Variants in PRRT4 observed in about 807,000 individuals in gnomAD.
PRRT4 encodes the protein proline-rich transmembrane protein 4.
In PRRT4, 59 loss-of-function variants were observed where a neutral mutation model predicts 55.6. The ratio of observed to expected loss-of-function variants is 1.06; its 90% CI spans 0.86 to 1.32. PRRT4 has a LOEUF of 1.32. Ranked by LOEUF, PRRT4 falls within the 40% of genes most tolerant of loss-of-function variation. The probability of loss-of-function intolerance (pLI) is 0.00; values close to 1 mark genes in which losing one functional copy is unlikely to be tolerated. For missense variants in PRRT4, 1,217 were observed against 1,222.0 expected, an observed-to-expected ratio of 1.00 and a Z score of 0.06; for synonymous variants, 606 against 601.8, an observed-to-expected ratio of 1.01 and a Z score of -0.10.
In PRRT4 at chr7:128,361,103, T is replaced by TCTCACA. The variant is rs1450661437; in HGVS notation, c.-73+457_-73+458insTGTGAG. Among the ~76,000 whole-genome samples, 60 of 77,568 alleles carry TCTCACA rather than the reference T, an allele frequency of 7.7e-4. 1 individual carries two copies. The highest frequency in any genetic ancestry group is 2.7e-3 in the African/African-American group (48 of 17,602). The allele number at this position is 77,568 out of a possible 152,430, so 50.9% of individuals were successfully genotyped here. A position where few individuals can be genotyped will look rare whatever the true frequency, so the allele number is the denominator to read the frequency against. Reference sequence around the variant, plus strand: ...CTCTCTCTCTCTCTCTCTCTCTCTCTCACACACACACACACACACACACAC... The same window carrying TCTCACA: ...CTCTCTCTCTCTCTCTCTCTCTCTCTCTCACACACACACACACACACACACACACAC... On this transcript the variant is annotated intron_variant, in intron 1 of 4. Transcript: ENST00000535159.
At chr7:128,350,696 C>G, downstream of PRRT4, 2 of 1,154,522 alleles carry the variant, frequency 1.7e-6, no homozygotes, top group South Asian at 1.6e-5. Context: ...ATCGATAGAG[C>G]CTGGCTGCTG....
intron 1 of PRRT4, among the ~76,000 whole-genome samples, chr7:128,360,676 C>T (rs1797228431): frequency 6.6e-6 from 1 of 152,168 alleles, no homozygotes; most frequent in Admixed American, 6.5e-5. Flanking sequence ...CCCGCCCCTC[C>T]CGTTTCCTGG....
At chr7:128,360,696 T>G (rs944668754) in intron 1 of PRRT4, among the ~76,000 whole-genome samples, 9 of 149,784 alleles carry the variant, frequency 6.0e-5, no homozygotes, top group South Asian at 2.2e-4. Context: ...GGGCTGGGCC[T>G]GTTCCCTTCC....
exon 5 of PRRT4, chr7:128,351,660 G>A (rs1280381297): frequency 6.6e-7 from 1 of 1,513,620 alleles, no homozygotes; most frequent in East Asian, 2.6e-5. Flanking sequence ...TGGCCCAGCA[G>A]CGCGGCGGCA....
chr7:128,351,157 C>G, exon 5 of PRRT4: 1 of 1,546,136 alleles, frequency 6.5e-7, no homozygotes, highest in Non-Finnish European at 8.7e-7. Context: ...AGATGAGACG[C>G]TGCTGCCTGC....
rs979221087 is a variant in PRRT4, at chr7:128,359,956, G to T, written c.36C>A (p.Phe12Leu). Residue 12 changes from phenylalanine to leucine, a missense_variant, in exon 2 of 5, where the codon TTC becomes TTA. By Grantham distance (22) the Phe-to-Leu change is conservative. Coordinates refer to ENST00000535159, the Ensembl canonical transcript of PRRT4. ...CAGTAGCAGCAAACAGGACGCAGCA[G>T]AACAGTCCCAGCCCTAGACAGCCAT... The T allele has an allele frequency of 1.5e-5, 22 of 1,433,144 alleles. No individual in the cohort carries two copies. In the South Asian group the frequency reaches 1.8e-4, roughly 12 times the overall value. The allele number at this position is 1,433,144 out of a possible 1,614,324, so 88.8% of individuals were successfully genotyped here.
chr7:128,354,545 C>T (rs1382327542), intron 4 of PRRT4, among the ~76,000 whole-genome samples: 1 of 148,632 alleles, frequency 6.7e-6, no homozygotes, highest in Non-Finnish European at 1.5e-5. Context: ...GCCTGGGTGA[C>T]AGAGCGAGAC....
At chr7:128,350,930 G>C in exon 5 of PRRT4, 1 of 1,550,932 alleles carries the variant, frequency 6.4e-7, no homozygotes, top group Non-Finnish European at 8.7e-7. Context: ...TGCTCCTGCA[G>C]CAAGGCCTCC....
exon 5 of PRRT4, chr7:128,351,136 C>A: frequency 6.5e-7 from 1 of 1,547,428 alleles, no homozygotes; most frequent in Non-Finnish European, 8.7e-7. Flanking sequence ...CGAGAGTCCG[C>A]AGAACGAGCC....
intron 4 of PRRT4, among the ~76,000 whole-genome samples, chr7:128,355,899 G>A (rs1157424050): frequency 6.6e-6 from 1 of 152,078 alleles, no homozygotes; most frequent in Non-Finnish European, 1.5e-5. Flanking sequence ...CTCACCCATG[G>A]GCCACAGGAA....
chr7:128,361,668 G>C (rs1207737465), exon 1 of PRRT4: 6 of 152,388 alleles, frequency 3.9e-5, no homozygotes, highest in African/African-American at 1.2e-4. Context: ...CGCCCGCGCC[G>C]GGGCTCCGCG....
At chr7:128,351,333 C>G in exon 5 of PRRT4, 2 of 1,546,560 alleles carry the variant, frequency 1.3e-6, no homozygotes, top group Non-Finnish European at 8.7e-7. Context: ...CAGGCGCAAG[C>G]AGGGCCTCGC....
exon 5 of PRRT4, chr7:128,352,024 C>T: frequency 7.6e-7 from 1 of 1,309,310 alleles, no homozygotes; most frequent in Non-Finnish European, 9.8e-7. Flanking sequence ...CAGCAGCAGC[C>T]CGGAAAGGAA....
intron 3 of PRRT4, 71 bp downstream of exon 4, chr7:128,359,078 G>C (rs1797176220): frequency 3.4e-6 from 5 of 1,462,192 alleles, no homozygotes; most frequent in Non-Finnish European, 4.7e-6. Flanking sequence ...AAAGGTACTT[G>C]TTAGGCTCCT....
At chr7:128,359,981 T>C in exon 2 of PRRT4, 2 of 1,322,776 alleles carry the variant, frequency 1.5e-6, no homozygotes, top group Non-Finnish European at 1.9e-6. Context: ...TAGACAGCCA[T>C]GCCTGGCCAT....
chr7:128,353,938 G>A (rs1160578242), intron 4 of PRRT4, among the ~76,000 whole-genome samples: 1 of 152,228 alleles, frequency 6.6e-6, no homozygotes, highest in Non-Finnish European at 1.5e-5. Context: ...CAAGAGAAGA[G>A]TTGGGTAGAG....
chr7:128,358,908 C>T lies in PRRT4; in HGVS notation c.758-108G>A. 6.9e-7 allele frequency: 1 copy of T among 1,451,022 alleles called. No homozygotes were observed. Among genetic ancestry groups the T allele is most frequent in the Non-Finnish European group, 9.1e-7 (1 of 1,100,136 alleles). 89.9% of individuals were successfully genotyped at this position (1,451,022 alleles called of 1,614,324 possible). ...CCCAGAGTTTGTCCTAAGGAAGTCA[C>T]TGTCCCAGGAATTGTAGCCACATGC... On this transcript the variant is annotated intron_variant, in intron 3 of 4. Coordinates refer to ENST00000535159, the Ensembl canonical transcript of PRRT4. The surrounding 1 kb of genome is among the most constrained non-coding windows in gnomAD (Gnocchi z 4.4).
At chr7:128,359,110 A>G (rs976780838) in intron 3 of PRRT4, 39 bp downstream of exon 4, 7 of 1,536,442 alleles carry the variant, frequency 4.6e-6, no homozygotes, top group African/African-American at 1.4e-5. Flanking sequence ...TGGCACGTAG[A>G]GTGTTCCACA....
chr7:128,361,790 C>G (rs911835968), upstream of PRRT4: 3 of 152,616 alleles, frequency 2.0e-5, no homozygotes, highest in African/African-American at 7.2e-5. Context: ...CCCCCACACC[C>G]GGGCGGGCAG....
Sources: allele counts gnomAD v4.1 joint callset (sites outside exome capture counted in the v4.1 genomes callset), GRCh38; gene constraint gnomAD v4.1.1; non-coding constraint Gnocchi (gnomAD v3.1); transcripts MANE v1.5; gene names NCBI Gene and HGNC (gene_info 2026-07-23, HGNC 2026-07-21).